WWOX: variants seen among roughly 807,000 people sequenced by gnomAD.
WWOX encodes WW domain containing oxidoreductase, also known as WW domain-containing oxidoreductase.
A neutral mutation model predicts 46.2 loss-of-function variants in WWOX; 69 were observed. That is an observed-to-expected ratio of 1.49 (90% CI 1.23 to 1.82). The LOEUF (loss-of-function observed/expected upper bound fraction) is 1.82, where lower values mean the gene tolerates loss of function less well. Ranked by LOEUF, WWOX falls within the 40% of genes most tolerant of loss-of-function variation. The pLI is 0.00. For synonymous variants in WWOX, 359 were observed against 202.6 expected (o/e 1.77, Z -6.56); for missense variants, 919 against 542.6 (o/e 1.69, Z -6.89).
chr16:78,917,732 T>C (rs553518159), intron 8 of WWOX, among the ~76,000 whole-genome samples: 96 of 152,170 alleles, frequency 6.3e-4, no homozygotes, highest in African/African-American at 2.3e-3. Flanking sequence ...TGGTAGTGCC[T>C]CCAGAACCAA....
At chr16:78,750,581 A>G (rs113206716) in intron 8 of WWOX, among the ~76,000 whole-genome samples, 85 of 152,240 alleles carry the variant, frequency 5.6e-4, no homozygotes, top group African/African-American at 1.7e-3. Flanking sequence ...AATTGAACCC[A>G]TCACCCAAAT....
chr16:78,748,613 G>C (rs1002339691), intron 8 of WWOX, among the ~76,000 whole-genome samples: 1 of 152,198 alleles, frequency 6.6e-6, no homozygotes, highest in Non-Finnish European at 1.5e-5. Context: ...CTGGTTAGCA[G>C]ATGGCAGCTG....
chr16:78,900,678 A>T (rs1169879293), intron 8 of WWOX, among the ~76,000 whole-genome samples: 1 of 152,184 alleles, frequency 6.6e-6, no homozygotes, highest in Non-Finnish European at 1.5e-5. Flanking sequence ...TCATCAGATC[A>T]TATGTTTGGC....
intron 8 of WWOX, among the ~76,000 whole-genome samples, chr16:78,731,822 C>T (rs1268389232): frequency 6.6e-6 from 1 of 150,766 alleles, no homozygotes; most frequent in Non-Finnish European, 1.5e-5. Context: ...TAGCACTCCC[C>T]AATGCCAATT....
At chr16:78,993,246 C>G (rs59903179) in intron 8 of WWOX, among the ~76,000 whole-genome samples, 20,328 of 149,538 alleles carry the variant, frequency 0.14, 1,809 homozygotes, top group East Asian at 0.5. Context: ...ATAACGGCGC[C>G]GAAACTTTAC....
chr16:78,986,206 G>A (rs559329272), intron 8 of WWOX, among the ~76,000 whole-genome samples: 20 of 152,230 alleles, frequency 1.3e-4, no homozygotes, highest in African/African-American at 4.3e-4. Context: ...CATATGCAGC[G>A]CGCTTGCAAT....
At chr16:78,576,653 T>G (rs890019145) in intron 8 of WWOX, among the ~76,000 whole-genome samples, 6 of 152,158 alleles carry the variant, frequency 3.9e-5, no homozygotes, top group Admixed American at 2.6e-4. Flanking sequence ...GGCACTATAG[T>G]GAGACCCTGT....
chr16:78,395,764 C>A (rs1416560052), intron 6 of WWOX, among the ~76,000 whole-genome samples: 2 of 151,572 alleles, frequency 1.3e-5, no homozygotes, highest in Non-Finnish European at 2.9e-5. Context: ...TTTTCTTTTT[C>A]TTTTTCTTTT....
At chr16:78,844,720 C>G (rs774062314) in intron 8 of WWOX, among the ~76,000 whole-genome samples, 8 of 152,214 alleles carry the variant, frequency 5.3e-5, no homozygotes, top group South Asian at 2.1e-4. Context: ...GGGCAACTGT[C>G]TGCCTTACAA....
chr16:78,880,195 G>T (rs1189844745), intron 8 of WWOX, among the ~76,000 whole-genome samples: 2 of 152,124 alleles, frequency 1.3e-5, no homozygotes, highest in East Asian at 3.9e-4. Context: ...AGTACCAAAC[G>T]AAGATATCTT....
At chr16:79,084,956 T>C (rs891980857) in intron 8 of WWOX, among the ~76,000 whole-genome samples, 1 of 152,024 alleles carries the variant, frequency 6.6e-6, no homozygotes, top group Non-Finnish European at 1.5e-5. Context: ...ACAGACACAG[T>C]TGTCTGTCTC....
At chr16:78,742,633 C>A (rs939542427) in intron 8 of WWOX, among the ~76,000 whole-genome samples, 1 of 152,158 alleles carries the variant, frequency 6.6e-6, no homozygotes, top group Non-Finnish European at 1.5e-5. Flanking sequence ...GCCCTGGCTG[C>A]GCTGGTGACT....
intron 6 of WWOX, among the ~76,000 whole-genome samples, chr16:78,389,468 G>T (rs2082132547): frequency 6.6e-6 from 1 of 152,180 alleles, no homozygotes; most frequent in African/African-American, 2.4e-5. Context: ...GGTTGTTTGG[G>T]AGGGAATGAT....
chr16:78,968,919 G>GA (rs11285228), intron 8 of WWOX, among the ~76,000 whole-genome samples: 769 of 146,870 alleles, frequency 5.2e-3, no homozygotes, highest in Admixed American at 8.7e-3. Context: ...GTTTCTTAAA[G>GA]AAAAAAAAAA....
chr16:79,160,358 A>C (rs558519729), intron 8 of WWOX, among the ~76,000 whole-genome samples: 1 of 152,204 alleles, frequency 6.6e-6, no homozygotes, highest in African/African-American at 2.4e-5. Flanking sequence ...GAGGGTTGCT[A>C]CCTAGTCCCG....
chr16:78,550,477 T>C (rs1199304473), intron 8 of WWOX, among the ~76,000 whole-genome samples: 4 of 152,250 alleles, frequency 2.6e-5, no homozygotes, highest in African/African-American at 7.2e-5. Context: ...GGTTGTAGTT[T>C]GCTGGCCTCT....
chr16:78,803,806 G>T (rs1207193388), intron 8 of WWOX, among the ~76,000 whole-genome samples: 8 of 152,054 alleles, frequency 5.3e-5, no homozygotes, highest in Admixed American at 3.9e-4. Flanking sequence ...GTTGGAAGTG[G>T]CATGATGGAG....
At chr16:78,684,402 C>T (rs925941223) in intron 8 of WWOX, among the ~76,000 whole-genome samples, 1 of 152,182 alleles carries the variant, frequency 6.6e-6, no homozygotes, top group Non-Finnish European at 1.5e-5. Flanking sequence ...GTAGGGATGA[C>T]TGGTTTTGCA....
intron 8 of WWOX, among the ~76,000 whole-genome samples, chr16:78,958,052 C>T (rs926437586): frequency 6.6e-6 from 1 of 152,178 alleles, no homozygotes; most frequent in African/African-American, 2.4e-5. Flanking sequence ...GTATGCCTGC[C>T]TCAAATAACT....
Sources: gnomAD v4.1 joint callset for allele counts (sites outside exome capture counted in the v4.1 genomes callset) on GRCh38, gnomAD v4.1.1 for gene constraint, MANE v1.5 for transcripts, NCBI Gene and HGNC (gene_info 2026-07-23, HGNC 2026-07-21) for gene names.